Variants in FRMD4B observed in about 807,000 individuals in gnomAD.
FRMD4B encodes the protein FERM domain containing 4B.
Under a neutral mutation model 141.5 loss-of-function variants are expected in FRMD4B, and 74 were observed. That is an observed-to-expected ratio of 0.52 (90% CI 0.43 to 0.63). The LOEUF is 0.63. Among genes scored for constraint, FRMD4B ranks in the 30% least tolerant of loss-of-function variants. The pLI is 0.00. For missense variants in FRMD4B, 1,366 were observed against 1,253.4 expected, an observed-to-expected ratio of 1.09 and a Z score of -1.36; for synonymous variants, 506 against 467.9, an observed-to-expected ratio of 1.08 and a Z score of -1.05.
At chr3:69,282,314 C>T (rs1052821095) in intron 5 of FRMD4B, among the ~76,000 whole-genome samples, 1 of 152,166 alleles carries the variant, frequency 6.6e-6, no homozygotes, top group Non-Finnish European at 1.5e-5. Flanking sequence ...TCAAACATCT[C>T]ACTGGAGAGA....
chr3:69,269,998 C>G (rs975486674), intron 5 of FRMD4B, among the ~76,000 whole-genome samples: 1 of 151,982 alleles, frequency 6.6e-6, no homozygotes, highest in African/African-American at 2.4e-5. Flanking sequence ...ATATCTTTAT[C>G]TATTTCTTTT....
At chr3:69,274,344 C>T (rs1390263031) in intron 5 of FRMD4B, among the ~76,000 whole-genome samples, 2 of 151,990 alleles carry the variant, frequency 1.3e-5, no homozygotes, top group African/African-American at 2.4e-5. Flanking sequence ...AATGTAAGTA[C>T]GATGCCCAGT....
chr3:69,449,886 G>A (rs963154261), intron 1 of FRMD4B, among the ~76,000 whole-genome samples: 31 of 152,054 alleles, frequency 2.0e-4, no homozygotes, highest in Admixed American at 7.9e-4. Context: ...CTTTTAGTAG[G>A]GCACTATGAT....
chr3:69,507,852 G>A (rs181411201), intron 1 of FRMD4B, among the ~76,000 whole-genome samples: 4 of 151,016 alleles, frequency 2.6e-5, no homozygotes. Context: ...GGAAAAATAG[G>A]TTTTTTTTTC....
intron 5 of FRMD4B, among the ~76,000 whole-genome samples, chr3:69,277,271 T>G (rs1559772047): frequency 6.6e-6 from 1 of 152,108 alleles, no homozygotes. Flanking sequence ...TTTGTTATGT[T>G]TGTTATGTTA....
chr3:69,393,301 G>A (rs1214685966), intron 2 of FRMD4B, among the ~76,000 whole-genome samples: 1 of 146,138 alleles, frequency 6.8e-6, no homozygotes, highest in Non-Finnish European at 1.5e-5. Context: ...AAAGAGGAGG[G>A]ATGCTATCTA....
At chr3:69,225,764 G>A (rs979004114) in intron 7 of FRMD4B, among the ~76,000 whole-genome samples, 14 of 143,570 alleles carry the variant, frequency 9.8e-5, no homozygotes, top group Non-Finnish European at 2.0e-4. Flanking sequence ...GTCATAGTTG[G>A]TTATGAGAGA....
chr3:69,218,434 T>C, intron 9 of FRMD4B, 55 bp from the exon 10 acceptor site: 2 of 736,812 alleles, frequency 2.7e-6, no homozygotes, highest in Non-Finnish European at 4.6e-6. Context: ...AGGACCCTTT[T>C]GGGAAAAGTG....
At chr3:69,276,950 A>C (rs1022396756) in intron 5 of FRMD4B, among the ~76,000 whole-genome samples, 7 of 152,148 alleles carry the variant, frequency 4.6e-5, no homozygotes, top group African/African-American at 1.7e-4. Flanking sequence ...GGGCGACAGA[A>C]CAAAAAGATT....
intron 2 of FRMD4B, among the ~76,000 whole-genome samples, chr3:69,419,478 T>C (rs1475524411): frequency 6.6e-6 from 1 of 151,904 alleles, no homozygotes; most frequent in African/African-American, 2.4e-5. Context: ...TGAGATTCTC[T>C]TTCCCAATAA....
chr3:69,423,954 C>T (rs574168149), intron 2 of FRMD4B, among the ~76,000 whole-genome samples: 49 of 152,162 alleles, frequency 3.2e-4, no homozygotes, highest in African/African-American at 1.1e-3. Flanking sequence ...TATGGTATTT[C>T]GTAACAGCAG....
intron 1 of FRMD4B, among the ~76,000 whole-genome samples, chr3:69,541,793 C>CCCCG (rs1553652267): frequency 1.3e-5 from 2 of 151,274 alleles, no homozygotes; most frequent in South Asian, 4.2e-4. Flanking sequence ...GGGATTTCCC[C>CCCCG]CCCCTCTTTT....
chr3:69,249,010 C>T (rs914846503), intron 7 of FRMD4B, among the ~76,000 whole-genome samples: 2 of 152,194 alleles, frequency 1.3e-5, no homozygotes, highest in South Asian at 2.1e-4. Context: ...CTGGTTCCAT[C>T]GCTGTCATTC....
chr3:69,336,666 G>C (rs959306405), intron 1 of FRMD4B: 4 of 152,574 alleles, frequency 2.6e-5, no homozygotes, highest in Admixed American at 6.5e-5. Flanking sequence ...ACAATGGCTT[G>C]GCTGGGTGTG....
intron 16 of FRMD4B, among the ~76,000 whole-genome samples, chr3:69,194,714 G>T (rs1277121754): frequency 6.6e-6 from 1 of 152,130 alleles, no homozygotes; most frequent in Non-Finnish European, 1.5e-5. Flanking sequence ...ATTTGACAAA[G>T]GCTATTATTT....
At position 69,374,305 on chromosome 3, in the gene FRMD4B, G is replaced by A. The variant is rs141500704; in HGVS notation, c.162+11523C>T. On this transcript the variant is annotated intron_variant, in intron 1 of 22. Coordinates refer to ENST00000398540, the MANE Select transcript of FRMD4B (RefSeq NM_015123.3). Reference sequence around the variant, plus strand: ...CAAGGTCGTATAGCCGATAAGTGATGGAGATTTTATTTTTATCCCAGGTTC... The same window carrying A: ...CAAGGTCGTATAGCCGATAAGTGATAGAGATTTTATTTTTATCCCAGGTTC... 2.2e-4 allele frequency among the ~76,000 whole-genome samples: 34 copies of A among 152,276 alleles called. No individual in the cohort carries two copies. In the East Asian group the frequency reaches 6.5e-3, roughly 29 times the overall value.
chr3:69,426,637 G>T (rs1342429179), intron 2 of FRMD4B, among the ~76,000 whole-genome samples: 1 of 152,186 alleles, frequency 6.6e-6, no homozygotes, highest in East Asian at 1.9e-4. Context: ...ATTCACAGGA[G>T]TGCCATATTT....
At chr3:69,446,525 G>A (rs1461692246) in intron 1 of FRMD4B, among the ~76,000 whole-genome samples, 1 of 151,990 alleles carries the variant, frequency 6.6e-6, no homozygotes, top group African/African-American at 2.4e-5. Context: ...TAAAGATGAG[G>A]TTCCGTTATG....
In FRMD4B at chr3:69,193,804, G is replaced by T. The variant is rs764819508; in HGVS notation, c.1558C>A (p.Leu520Ile). ...QQKLVEAAKK[L>I]ANEPDLCKTV... ...TTACAAAGGTCTGGCTCATTGGCAAGTTTCTTTGCAGCTTCCACCAGCTTT... is the reference window on the plus strand; with the variant it reads ...TTACAAAGGTCTGGCTCATTGGCAATTTTCTTTGCAGCTTCCACCAGCTTT... Residue 520 changes from leucine to isoleucine, a missense_variant, in exon 17 of 23, where the codon CTT becomes ATT. Transcript: ENST00000398540. The T allele has an allele frequency of 2.5e-6, 4 of 1,613,676 alleles. No individual in the cohort carries two copies. Among genetic ancestry groups the T allele is most frequent in the Admixed American group, 3.3e-5 (2 of 60,002 alleles).
Sources: allele counts gnomAD v4.1 joint callset (sites outside exome capture counted in the v4.1 genomes callset), GRCh38; gene constraint gnomAD v4.1.1; transcripts MANE v1.5; gene names NCBI Gene and HGNC (gene_info 2026-07-23, HGNC 2026-07-21).